The following PIP4K2A variants were observed in gnomAD, a reference collection of about 807,000 sequenced individuals.
PIP4K2A encodes the protein phosphatidylinositol-5-phosphate 4-kinase type 2 alpha.
Under a neutral mutation model 42.9 loss-of-function variants are expected in PIP4K2A, and 14 were observed. The observed-to-expected ratio is 0.33, with a 90% CI of 0.22 to 0.51. The LOEUF is 0.51. Among genes scored for constraint, PIP4K2A ranks in the 20% least tolerant of loss-of-function variants. The pLI is 0.97. For synonymous variants in PIP4K2A, 192 were observed against 192.2 expected, an observed-to-expected ratio of 1.00 and a Z score of 0.01; for missense variants, 434 against 519.8, an observed-to-expected ratio of 0.83 and a Z score of 1.61.
chr10:22,705,010 G>A (rs1833791093), intron 1 of PIP4K2A, among the ~76,000 whole-genome samples: 3 of 152,094 alleles, frequency 2.0e-5, no homozygotes, highest in Admixed American at 2.0e-4. Flanking sequence ...CCAAAATTTA[G>A]ATGGGATGGT....
At chr10:22,681,580 T>C (rs1839661482) in intron 1 of PIP4K2A, among the ~76,000 whole-genome samples, 1 of 151,984 alleles carries the variant, frequency 6.6e-6, no homozygotes, top group African/African-American at 2.4e-5. Flanking sequence ...GAGGCTGAGG[T>C]AGGAGGATGC....
chr10:22,638,690 T>C (rs538773184), intron 1 of PIP4K2A, among the ~76,000 whole-genome samples: 2 of 152,330 alleles, frequency 1.3e-5, no homozygotes, highest in South Asian at 2.1e-4. Context: ...CACTTTTCTA[T>C]TGTTATTGTA....
chr10:22,627,608 A>T (rs1447456395), intron 1 of PIP4K2A, among the ~76,000 whole-genome samples: 11 of 122,160 alleles, frequency 9.0e-5, no homozygotes, highest in South Asian at 2.5e-4. Context: ...AAAAAAAAAA[A>T]AAAAAAAAAA....
chr10:22,673,342 C>G (rs1221325556), intron 1 of PIP4K2A, among the ~76,000 whole-genome samples: 1 of 152,094 alleles, frequency 6.6e-6, no homozygotes, highest in African/African-American at 2.4e-5. Context: ...TTTTTGTATG[C>G]GCAGGACTCA....
intron 7 of PIP4K2A, 119 bp from the exon 8 acceptor site, chr10:22,542,166 C>T: frequency 1.3e-6 from 1 of 772,820 alleles, no homozygotes; most frequent in Non-Finnish European, 2.1e-6. Flanking sequence ...AGCAGAGGCG[C>T]CGGGTGCCTC....
chr10:22,693,665 T>C (rs1288701565), intron 1 of PIP4K2A, among the ~76,000 whole-genome samples: 4 of 152,140 alleles, frequency 2.6e-5, no homozygotes, highest in African/African-American at 9.7e-5. Flanking sequence ...CTGGGGAGCT[T>C]AGTCATCGAC....
intron 3 of PIP4K2A, among the ~76,000 whole-genome samples, chr10:22,597,653 A>T (rs1339004128): frequency 3.3e-5 from 5 of 151,882 alleles, no homozygotes; most frequent in Admixed American, 1.3e-4. Context: ...TGGGAGGATT[A>T]AAAAAAACGA....
chr10:22,660,134 C>T (rs915475504), intron 1 of PIP4K2A, among the ~76,000 whole-genome samples: 1 of 152,168 alleles, frequency 6.6e-6, no homozygotes, highest in Non-Finnish European at 1.5e-5. Flanking sequence ...ATCCCCAGCA[C>T]CCACTCCTTG....
chr10:22,537,784 A>G (rs943981718), intron 9 of PIP4K2A, among the ~76,000 whole-genome samples: 4 of 152,164 alleles, frequency 2.6e-5, no homozygotes, highest in Non-Finnish European at 4.4e-5. Flanking sequence ...GTGCTCAAAC[A>G]TGAGGGGCAA....
intron 1 of PIP4K2A, among the ~76,000 whole-genome samples, chr10:22,633,968 T>C (rs955229294): frequency 2.6e-5 from 4 of 152,220 alleles, no homozygotes; most frequent in African/African-American, 7.2e-5. Context: ...TTCACTGTCA[T>C]TGTCATCACT....
At chr10:22,712,913 G>GGGGTGTGTGTGTGTGTGTGT (rs775265774) in intron 1 of PIP4K2A, among the ~76,000 whole-genome samples, 1 of 147,502 alleles carries the variant, frequency 6.8e-6, no homozygotes, top group African/African-American at 2.5e-5. Flanking sequence ...CTACATTGAG[G>GGGGTGTGTGTGTGTGTGTGT]GTGTGTGTGT....
At chr10:22,609,435 A>G (rs974606708) in intron 2 of PIP4K2A, among the ~76,000 whole-genome samples, 185 bp downstream of exon 2, 1 of 152,240 alleles carries the variant, frequency 6.6e-6, no homozygotes, top group African/African-American at 2.4e-5. Flanking sequence ...ATGGCAAAGG[A>G]TATTATCCCA....
At position 22,569,209 on chromosome 10, in the gene PIP4K2A, CCCCAGGG is replaced by C. The variant is rs201943634; in HGVS notation, c.640-1327_640-1321del. Among the ~76,000 whole-genome samples the C allele has an allele frequency of 3.9e-3, 600 of 152,276 alleles. 1 individual carries two copies. Among genetic ancestry groups the C allele is most frequent in the Non-Finnish European group, 6.0e-3 (409 of 68,002 alleles). ...AGCCAAGACCAGGCTGGGGGGGTCT[CCCCAGGG>C]CCGATCTTCCATCCCCCTGGTGCTC... On this transcript the variant is annotated intron_variant, in intron 5 of 9. Transcript: ENST00000376573.
intron 1 of PIP4K2A, among the ~76,000 whole-genome samples, chr10:22,667,988 A>AAG (rs1839382819): frequency 6.8e-6 from 1 of 147,552 alleles, no homozygotes; most frequent in Non-Finnish European, 1.5e-5. Context: ...GTCTCACTCT[A>AAG]TCACCCAGGC....
At chr10:22,662,099 T>C (rs1197479481) in intron 1 of PIP4K2A, among the ~76,000 whole-genome samples, 1 of 152,242 alleles carries the variant, frequency 6.6e-6, no homozygotes, top group Non-Finnish European at 1.5e-5. Flanking sequence ...CCACCATTTA[T>C]ACTGCAGGAA....
intron 1 of PIP4K2A, among the ~76,000 whole-genome samples, chr10:22,637,807 C>T (rs1371021904): frequency 6.6e-6 from 1 of 152,186 alleles, no homozygotes; most frequent in African/African-American, 2.4e-5. Context: ...GTTCATTCAA[C>T]AGTCTTGATG....
At chr10:22,698,408 A>T (rs1394701384) in intron 1 of PIP4K2A, among the ~76,000 whole-genome samples, 1 of 152,198 alleles carries the variant, frequency 6.6e-6, no homozygotes, top group African/African-American at 2.4e-5. Context: ...ATGTACCAAG[A>T]GCCTTAAAAT....
intron 1 of PIP4K2A, among the ~76,000 whole-genome samples, chr10:22,673,836 C>T (rs979899497): frequency 2.0e-5 from 3 of 152,102 alleles, no homozygotes; most frequent in Non-Finnish European, 2.9e-5. Context: ...ACTATTTAAT[C>T]CTTTTTCTTC....
At chr10:22,711,590 T>C (rs2130932837) in intron 1 of PIP4K2A, among the ~76,000 whole-genome samples, 1 of 152,324 alleles carries the variant, frequency 6.6e-6, no homozygotes, top group Middle Eastern at 3.4e-3. Flanking sequence ...AACCTGACCT[T>C]AACATGCCCA....
Sources: allele counts gnomAD v4.1 joint callset (sites outside exome capture counted in the v4.1 genomes callset), GRCh38; gene constraint gnomAD v4.1.1; transcripts MANE v1.5; gene names NCBI Gene and HGNC (gene_info 2026-07-23, HGNC 2026-07-21).